Variants in TPCN2 observed in about 807,000 individuals in gnomAD.
TPCN2 encodes the protein two pore segment channel 2, also known as two pore channel protein 2.
TPCN2 carries 92 observed loss-of-function variants against 111.4 expected under a neutral mutation model. That is an observed-to-expected ratio of 0.83 (90% CI 0.70 to 0.98). The LOEUF is 0.98. TPCN2 is among the 50% of genes least tolerant of loss of function. The pLI is 0.00. For missense variants in TPCN2, 995 were observed against 980.1 expected (o/e 1.02, Z -0.20); for synonymous variants, 405 against 414.5 (o/e 0.98, Z 0.28).
intron 17 of TPCN2, among the ~76,000 whole-genome samples, chr11:69,081,186 G>C (rs1047253121): frequency 6.6e-6 from 1 of 152,066 alleles, no homozygotes; most frequent in East Asian, 1.9e-4. Context: ...GGGTCGCTCC[G>C]GGGCTGCAGG....
intron 7 of TPCN2, among the ~76,000 whole-genome samples, chr11:69,067,282 C>T (rs566168692): frequency 5.9e-5 from 9 of 152,328 alleles, no homozygotes; most frequent in African/African-American, 2.2e-4. Context: ...TTCCAGGCAC[C>T]GTGTCCATGC....
chr11:69,054,490 G>T (rs1489184911), intron 2 of TPCN2: 5 of 576,982 alleles, frequency 8.7e-6, no homozygotes, highest in Admixed American at 5.9e-5. Context: ...GTTTGCTCAC[G>T]CACCCACCCA....
Position 69,055,188 on chromosome 11 carries a change from A to G in TPCN2, c.265A>G (p.Thr89Ala). The stretch of plus-strand genomic sequence containing the variant: ...TCCCCTTTCCAGGACTTTGAGCTTC[A>G]CCATCTTCTTGATCCTGTTTTTGGC... The part of the protein sequence containing the change: ...SNVCQRTLSF[T>A]IFLILFLAFI... The change falls in exon 4 of 25, where the codon ACC (threonine) becomes GCC (alanine). Residue 89 changes from threonine to alanine, a missense_variant. By Grantham distance (58) the Thr-to-Ala change is moderately conservative. Transcript: ENST00000294309. 1.9e-6 allele frequency: 3 copies of G among 1,613,952 alleles called. No homozygotes were observed. The highest frequency in any genetic ancestry group is 2.5e-6 in the Non-Finnish European group (3 of 1,179,954).
intron 18 of TPCN2, 50 bp from the exon 19 acceptor site, chr11:69,083,895 C>T: frequency 3.8e-6 from 6 of 1,578,290 alleles, no homozygotes; most frequent in Non-Finnish European, 5.2e-6. Context: ...GATGGTGTCC[C>T]CTCAGTGGGG....
At chr11:69,078,629 C>A in intron 14 of TPCN2, 28 bp downstream of exon 14, 1 of 1,613,718 alleles carries the variant, frequency 6.2e-7, no homozygotes, top group East Asian at 2.2e-5. Context: ...CCAGAGCTGG[C>A]ACGGAAGTGC....
rs550097701 is a variant in TPCN2, at chr11:69,085,830, T to C, written c.1921-18T>C. 4 of 1,614,020 alleles carry C rather than the reference T, an allele frequency of 2.5e-6. No homozygotes were observed. In the Admixed American group the frequency reaches 6.7e-5, roughly 27 times the overall value. On this transcript the variant is annotated intron_variant, in intron 21 of 24. Coordinates refer to ENST00000294309, the MANE Select transcript of TPCN2 (RefSeq NM_139075.4). Reference sequence around the variant, plus strand: ...TACCTCCTGGGCCCTCCTGGACCGCTGGTCTCTGCCCCCGCAGGCTGCCCT... The same window carrying C: ...TACCTCCTGGGCCCTCCTGGACCGCCGGTCTCTGCCCCCGCAGGCTGCCCT...
chr11:69,079,679 G>C (rs1029150595), intron 16 of TPCN2, 155 bp from the exon 17 acceptor site: 3 of 634,130 alleles, frequency 4.7e-6, no homozygotes, highest in Non-Finnish European at 8.1e-6. Context: ...CTGACATCTG[G>C]AACCAACCCG....
At chr11:69,071,535 A>T in intron 10 of TPCN2, 115 bp downstream of exon 10, 1 of 923,200 alleles carries the variant, frequency 1.1e-6, no homozygotes, top group Middle Eastern at 2.7e-4. Context: ...GTGGGACGGG[A>T]GGGCAGGGTT....
rs200657180 is a variant in TPCN2 at position 69,081,479 on chromosome 11, C to T, written c.1669C>T (p.Arg557Cys). Reference protein sequence around the residue: ...LNMLIVFRFLRIIPSMKLMAV... With the variant: ...LNMLIVFRFLCIIPSMKLMAV... ...CATGCTCATCGTGTTCCGCTTCCTG[C>T]GTATCATCCCCAGCATGAAGGTGTG... is the stretch of plus-strand genomic sequence containing the variant. Residue 557 changes from arginine to cysteine, a missense_variant, in exon 18 of 25, where the codon CGT becomes TGT. Coordinates refer to ENST00000294309, the MANE Select transcript of TPCN2 (RefSeq NM_139075.4). The T allele has an allele frequency of 3.7e-5, 58 of 1,570,614 alleles. No homozygotes were observed. The South Asian group carries it at 4.0e-4, about 11-fold the overall frequency.
rs941592972 is a variant in TPCN2, at chr11:69,049,825, C to G, written c.109+719C>G. Among the ~76,000 whole-genome samples, 36 of 152,176 alleles carry G rather than the reference C, an allele frequency of 2.4e-4. 1 individual carries two copies. Among genetic ancestry groups the G allele is most frequent in the Admixed American group, 2.4e-3 (36 of 15,292 alleles). ...CCGAGGGTGGGGTGCGTCCGCCCCT[C>G]GCTGACACCAGGGGAATGAGATTCT... On this transcript the variant is annotated intron_variant, in intron 1 of 24. Coordinates refer to ENST00000294309, the MANE Select transcript of TPCN2 (RefSeq NM_139075.4).
In TPCN2 at chr11:69,055,489, A is replaced by G. The variant is rs539160820; in HGVS notation, c.429+137A>G. On this transcript the variant is annotated intron_variant, in intron 4 of 24. Transcript: ENST00000294309. ...TGTACTTTGACCCGGTGAGCAAGGC[A>G]CACTTTCTTGGACAAGCAAGTGCCT... 4.3e-5 allele frequency: 41 copies of G among 942,766 alleles called. No homozygotes were observed. The Middle Eastern group carries it at 1.3e-3, about 31-fold the overall frequency. 58.4% of individuals were successfully genotyped at this position (942,766 alleles called of 1,614,324 possible).
rs60849760 is a variant in TPCN2 at position 69,085,889 on chromosome 11, C to T, written c.1962C>T (p.Asn654=). ...VTLWNLMVVN[N]WQVFLDAYRR... ...TGTGGAACTTGATGGTGGTGAACAA[C>T]TGGCAGGTGTTTCTGGATGCATATC... is the stretch of plus-strand genomic sequence containing the variant. The change falls in exon 22 of 25, where the codon AAC becomes AAT. Residue 654 remains asparagine, a synonymous_variant. Coordinates refer to ENST00000294309, the MANE Select transcript of TPCN2 (RefSeq NM_139075.4). 3.0e-3 allele frequency: 4,834 copies of T among 1,614,212 alleles called. 118 individuals are homozygous for T. In the African/African-American group the frequency reaches 0.055, roughly 19 times the overall value.
intron 20 of TPCN2, among the ~76,000 whole-genome samples, 180 bp downstream of exon 20, chr11:69,085,466 T>A (rs1375486501): frequency 6.7e-6 from 1 of 149,658 alleles, no homozygotes; most frequent in African/African-American, 2.5e-5. Context: ...GCTCCGCACC[T>A]CTCCTAGGAG....
In TPCN2 at chr11:69,054,753, C is replaced by G; in HGVS notation, c.207C>G (p.Ser69Arg). 6.2e-7 allele frequency: 1 copy of G among 1,614,204 alleles called. No individual in the cohort carries two copies. The highest frequency in any genetic ancestry group is 8.5e-7 in the Non-Finnish European group (1 of 1,180,010). Residue 69 changes from serine (S) to arginine (R), a missense_variant, in exon 3 of 25, where the codon AGC (serine) becomes AGG (arginine). By Grantham distance (110) the Ser-to-Arg change is moderately radical (BLOSUM62 -1). Transcript: ENST00000294309. ...YRSINHRVDASSMWLYRRYYS... is the reference protein window; with the variant it reads ...YRSINHRVDARSMWLYRRYYS... The stretch of plus-strand genomic sequence containing the variant: ...CCATCAACCACCGGGTGGATGCCAG[C>G]TCGATGTGGCTTTACCGACGGTATT...
At chr11:69,078,460 A>T (rs754126603) in intron 13 of TPCN2, 22 bp from the exon 14 acceptor site, 1 of 1,613,616 alleles carries the variant, frequency 6.2e-7, no homozygotes, top group Admixed American at 1.7e-5. Context: ...TGTGCTTCTG[A>T]GCACGTGTGT....
At chr11:69,058,730 C>T (rs1175868741) in intron 5 of TPCN2, among the ~76,000 whole-genome samples, 1 of 152,216 alleles carries the variant, frequency 6.6e-6, no homozygotes, top group East Asian at 1.9e-4. Context: ...GCGGGGCCTC[C>T]GTGGCCACCT....
In TPCN2 at chr11:69,084,820, C is replaced by T. The variant is rs993996975; in HGVS notation, c.1762-390C>T. On this transcript the variant is annotated intron_variant, in intron 19 of 24. Transcript: ENST00000294309. ...TGTCTGCCCAGCCCCCTAACTTGCACAGCAGAGGAAACTGAGGCCCAGAAA... is the reference window on the plus strand; with the variant it reads ...TGTCTGCCCAGCCCCCTAACTTGCATAGCAGAGGAAACTGAGGCCCAGAAA... The T allele has an allele frequency of 1.4e-5, 14 of 984,498 alleles. No individual in the cohort carries two copies. In the South Asian group the frequency reaches 6.1e-4, roughly 43 times the overall value. 61.0% of individuals were successfully genotyped at this position (984,498 alleles called of 1,614,324 possible). A position where few individuals can be genotyped will look rare whatever the true frequency, so the allele number is the denominator to read the frequency against.
In TPCN2 at chr11:69,063,979, G is replaced by A. The variant is rs567819396; in HGVS notation, c.726+12G>A. Reference sequence around the variant, plus strand: ...TCGCTGGTGGGAAGGTAGGGCACCCGTGGTCAGGGTCTGGGAATGGGGCTG... The same window carrying A: ...TCGCTGGTGGGAAGGTAGGGCACCCATGGTCAGGGTCTGGGAATGGGGCTG... On this transcript the variant is annotated intron_variant, in intron 7 of 24. Coordinates refer to ENST00000294309, the MANE Select transcript of TPCN2 (RefSeq NM_139075.4). The A allele has an allele frequency of 1.1e-5, 17 of 1,613,556 alleles. No individual in the cohort carries two copies. Among genetic ancestry groups the A allele is most frequent in the Middle Eastern group, 1.6e-4 (1 of 6,062 alleles).
intron 20 of TPCN2, 41 bp downstream of exon 20, chr11:69,085,327 GT>G: frequency 6.9e-7 from 1 of 1,439,032 alleles, no homozygotes; most frequent in Non-Finnish European, 9.8e-7. Flanking sequence ...TGTCTCAGGG[GT>G]GCTGGGGTGG....
Sources: allele counts gnomAD v4.1 joint callset (sites outside exome capture counted in the v4.1 genomes callset), GRCh38; gene constraint gnomAD v4.1.1; transcripts MANE v1.5; gene names NCBI Gene and HGNC (gene_info 2026-07-23, HGNC 2026-07-21).